The following STAMBPL1 variants were observed in gnomAD, a reference collection of about 807,000 sequenced individuals.
STAMBPL1 encodes the protein STAM binding protein like 1, also known as AMSH-like protease.
Under a neutral mutation model 52.9 loss-of-function variants are expected in STAMBPL1, and 44 were observed. That is an observed-to-expected ratio of 0.83 (90% CI 0.65 to 1.07). The LOEUF is 1.07. STAMBPL1 is among the 50% of genes least tolerant of loss of function. STAMBPL1 has a pLI of 0.00. For missense variants in STAMBPL1, 511 were observed against 520.8 expected (o/e 0.98, Z 0.18); for synonymous variants, 164 against 177.3 (o/e 0.92, Z 0.60).
intron 6 of STAMBPL1, among the ~76,000 whole-genome samples, 168 bp downstream of exon 6, chr10:88,913,626 T>A (rs1185244223): frequency 6.6e-6 from 1 of 152,200 alleles, no homozygotes; most frequent in Non-Finnish European, 1.5e-5. Context: ...TAGCTTTTAC[T>A]ATATATAATC....
intron 9 of STAMBPL1, 37 bp from the exon 10 acceptor site, chr10:88,922,300 C>T: frequency 6.2e-7 from 1 of 1,601,050 alleles, no homozygotes; most frequent in Non-Finnish European, 8.6e-7. Flanking sequence ...CCAAATGATC[C>T]TTAATTTTTC....
intron 7 of STAMBPL1, among the ~76,000 whole-genome samples, chr10:88,914,898 A>G (rs1845330838): frequency 6.6e-6 from 1 of 152,258 alleles, no homozygotes; most frequent in East Asian, 1.9e-4. Context: ...TAAAGAATCA[A>G]CCTATAAATT....
intron 1 of STAMBPL1, 115 bp from the exon 2 acceptor site, chr10:88,901,541 A>G (rs1844943348): frequency 5.4e-6 from 3 of 558,540 alleles, no homozygotes; most frequent in South Asian, 4.8e-5. Flanking sequence ...CTCAGGTTAT[A>G]TAGGTTATTT....
rs148096389 is a variant in STAMBPL1 at position 88,913,201 on chromosome 10, C to A, written c.521C>A (p.Ser174Ter). 2 of 1,613,836 alleles carry A rather than the reference C, an allele frequency of 1.2e-6. No individual in the cohort carries two copies. The highest frequency in any genetic ancestry group is 8.5e-7 in the Non-Finnish European group (1 of 1,179,848). Residue 174 changes from serine (S) to a stop codon, truncating the protein, a stop_gained, in exon 6 of 11, where the codon TCG (serine) becomes TAG (stop). Transcript: ENST00000371926. LOFTEE classifies it high-confidence loss of function. ...CAGATGCGCCAGCAGCAGCTAGAAT[C>A]GGAGCAGTTTCTGTTTTTCGAAGAT... ...IAQMRQQQLE[S>*]EQFLFFEDQL...
At chr10:88,910,255 A>T (rs1488968014) in intron 4 of STAMBPL1, among the ~76,000 whole-genome samples, 1 of 152,190 alleles carries the variant, frequency 6.6e-6, no homozygotes, top group Non-Finnish European at 1.5e-5. Flanking sequence ...CTGGTTGCAT[A>T]ATACCGAACA....
intron 3 of STAMBPL1, among the ~76,000 whole-genome samples, chr10:88,906,553 A>C (rs938824035): frequency 6.6e-6 from 1 of 152,240 alleles, no homozygotes; most frequent in Non-Finnish European, 1.5e-5. Flanking sequence ...GTTTTGATAC[A>C]TATATGCTTA....
In STAMBPL1 at chr10:88,905,579, T is replaced by C. The variant is rs754909656; in HGVS notation, c.167T>C (p.Val56Ala). Residue 56 changes from valine (V) to alanine (A), a missense_variant, in exon 3 of 11, where the codon GTA (valine) becomes GCA (alanine). Coordinates refer to ENST00000371926, the MANE Select transcript of STAMBPL1 (RefSeq NM_020799.4). ...ITPRRYFRSG[V>A]EMERMASVYL... Reference sequence around the variant, plus strand: ...CCACGACGTTACTTTAGGTCTGGAGTAGAGATGGAGAGGATGGCGTCTGTG... The same window carrying C: ...CCACGACGTTACTTTAGGTCTGGAGCAGAGATGGAGAGGATGGCGTCTGTG... 3 of 1,614,040 alleles carry C rather than the reference T, an allele frequency of 1.9e-6. No homozygotes were observed. Among genetic ancestry groups the C allele is most frequent in the South Asian group, 2.2e-5 (2 of 91,078 alleles).
intron 5 of STAMBPL1, chr10:88,912,820 T>C (rs1845261096): frequency 3.1e-6 from 1 of 320,442 alleles, no homozygotes; most frequent in Non-Finnish European, 5.7e-6. Context: ...AACCTTGACG[T>C]TGATTTTCCA....
At chr10:88,884,681 C>T (rs1014896536) in intron 1 of STAMBPL1, among the ~76,000 whole-genome samples, 2 of 152,232 alleles carry the variant, frequency 1.3e-5, no homozygotes, top group African/African-American at 2.4e-5. Flanking sequence ...TTCTTTCCTG[C>T]GGAGCCCTGG....
intron 9 of STAMBPL1, among the ~76,000 whole-genome samples, chr10:88,922,056 C>G (rs891216309): frequency 6.6e-6 from 1 of 152,160 alleles, no homozygotes; most frequent in Non-Finnish European, 1.5e-5. Flanking sequence ...TCATGAGACT[C>G]TCTAGTGGGG....
At chr10:88,918,306 T>TACACACACACACAC (rs199604099) in intron 8 of STAMBPL1, among the ~76,000 whole-genome samples, 1 of 143,344 alleles carries the variant, frequency 7.0e-6, no homozygotes, top group Non-Finnish European at 1.5e-5. Flanking sequence ...CACACACACA[T>TACACACACACACAC]ACACACACAC....
chr10:88,900,914 T>C (rs1022864818), intron 1 of STAMBPL1, among the ~76,000 whole-genome samples: 8 of 152,182 alleles, frequency 5.3e-5, no homozygotes, highest in African/African-American at 1.9e-4. Flanking sequence ...GCAGAATTAA[T>C]TTCCTTGCAG....
At chr10:88,896,026 G>T (rs551337370) in intron 1 of STAMBPL1, among the ~76,000 whole-genome samples, 1 of 152,144 alleles carries the variant, frequency 6.6e-6, no homozygotes, top group Admixed American at 6.5e-5. Context: ...ATTTAATGTG[G>T]AATATACCTC....
chr10:88,884,247 T>A (rs147718665), intron 1 of STAMBPL1, among the ~76,000 whole-genome samples: 3 of 152,366 alleles, frequency 2.0e-5, no homozygotes, highest in African/African-American at 7.2e-5. Flanking sequence ...ATTCTCTGCA[T>A]AATGAAACGT....
chr10:88,901,634 C>T (rs976328880), intron 1 of STAMBPL1, 22 bp from the exon 2 acceptor site: 1 of 1,517,658 alleles, frequency 6.6e-7, no homozygotes, highest in Admixed American at 2.0e-5. Context: ...AACTTTAGTT[C>T]TGCTTCTTGT....
intron 4 of STAMBPL1, among the ~76,000 whole-genome samples, chr10:88,910,091 A>G (rs1845181380): frequency 1.3e-5 from 2 of 152,138 alleles, no homozygotes. Context: ...TAGGAGAAAA[A>G]TTCTCCAAAA....
intron 3 of STAMBPL1, among the ~76,000 whole-genome samples, chr10:88,907,921 G>A (rs1845115096): frequency 1.3e-5 from 2 of 152,178 alleles, no homozygotes; most frequent in South Asian, 4.1e-4. Flanking sequence ...CATATTGTTT[G>A]ATCAGAAATA....
In STAMBPL1 at chr10:88,912,895, A is replaced by G. The variant is rs1438824340; in HGVS notation, c.421-206A>G. On this transcript the variant is annotated intron_variant, in intron 5 of 10. Coordinates refer to ENST00000371926, the MANE Select transcript of STAMBPL1 (RefSeq NM_020799.4). The stretch of plus-strand genomic sequence containing the variant: ...CATGGCCTGTCTCTGGTAAAATATC[A>G]GTGGATTTAGAACTGCTATGTTAAT... The G allele has an allele frequency of 1.3e-5, 7 of 532,474 alleles. No homozygotes were observed. The South Asian group carries it at 1.9e-4, about 15-fold the overall frequency. The allele number at this position is 532,474 out of a possible 1,614,324, so 33.0% of individuals were successfully genotyped here.
chr10:88,916,639 TCTGTGAGATGCATGTCATTC>T, intron 7 of STAMBPL1, 21 bp from the exon 8 acceptor site: 1 of 1,550,586 alleles, frequency 6.4e-7, no homozygotes, highest in South Asian at 1.2e-5. Flanking sequence ...TTTTTTTTTT[TCTGTGAGATGCATGTCATTC>T]TTTCTGCTAT....
Sources: allele counts gnomAD v4.1 joint callset (sites outside exome capture counted in the v4.1 genomes callset), GRCh38; gene constraint gnomAD v4.1.1; transcripts MANE v1.5; gene names NCBI Gene and HGNC (gene_info 2026-07-23, HGNC 2026-07-21).